The following WDPCP variants were observed in gnomAD, a reference collection of about 807,000 sequenced individuals.
WDPCP encodes the protein WD repeat containing planar cell polarity effector, also known as WD repeat-containing and planar cell polarity effector protein fritz homolog.
A neutral mutation model predicts 93.1 loss-of-function variants in WDPCP; 71 were observed. The observed-to-expected ratio is 0.76, with a 90% CI of 0.63 to 0.93. WDPCP has a LOEUF of 0.93. Ranked by LOEUF, WDPCP falls within the 40% of genes least tolerant of loss-of-function variation. The pLI is 0.00. For missense variants in WDPCP, 844 were observed against 887.4 expected, an observed-to-expected ratio of 0.95 and a Z score of 0.62; for synonymous variants, 315 against 315.0, an observed-to-expected ratio of 1.00 and a Z score of 0.00.
Position 63,822,183 on chromosome 2 carries a change from T to C in WDPCP, n.222+5439A>G, listed in dbSNP as rs544119774. On this transcript the variant is annotated intron_variant and non_coding_transcript_variant, in intron 1 of 4. Coordinates refer to the WDPCP transcript ENST00000467687. Reference sequence around the variant, plus strand: ...TGTAAAATGACTGTTTTGTTTTATGTAACAATTTTAAAATAGAATTTGAGA... The same window carrying C: ...TGTAAAATGACTGTTTTGTTTTATGCAACAATTTTAAAATAGAATTTGAGA... Among the ~76,000 whole-genome samples the C allele has an allele frequency of 1.1e-4, 17 of 152,234 alleles. No homozygotes were observed. In the South Asian group the frequency reaches 1.5e-3, roughly 13 times the overall value.
At chr2:63,274,104 A>G (rs2104880712) in intron 13 of WDPCP, among the ~76,000 whole-genome samples, 1 of 152,292 alleles carries the variant, frequency 6.6e-6, no homozygotes, top group East Asian at 1.9e-4. Context: ...GTGTTAGGCC[A>G]CAAAACAACT....
In WDPCP at chr2:63,706,868, G is replaced by A. The variant is rs573451645; in HGVS notation, n.309-56030C>T. ...CCTGACCTCATGATCCACCCGCCTC[G>A]GCCTCCCAAAGTGCTGGGATTACAG... On this transcript the variant is annotated intron_variant and non_coding_transcript_variant, in intron 2 of 4. Transcript: ENST00000467687. Among the ~76,000 whole-genome samples, 6 of 151,832 alleles carry A rather than the reference G, an allele frequency of 4.0e-5. No individual in the cohort carries two copies. The South Asian group carries it at 6.2e-4, about 16-fold the overall frequency.
At chr2:63,460,144 A>C (rs1698907209) in intron 6 of WDPCP, among the ~76,000 whole-genome samples, 1 of 152,242 alleles carries the variant, frequency 6.6e-6, no homozygotes, top group African/African-American at 2.4e-5. Context: ...ATGGAATATT[A>C]TTCAGCCATA....
At chr2:63,791,491 A>G (rs779591071) in intron 2 of WDPCP, among the ~76,000 whole-genome samples, 3 of 152,102 alleles carry the variant, frequency 2.0e-5, no homozygotes, top group Non-Finnish European at 4.4e-5. Context: ...CATAGCCTCC[A>G]CCTAGCATTC....
At chr2:63,825,752 T>C (rs1306954195) in intron 1 of WDPCP, among the ~76,000 whole-genome samples, 1 of 152,052 alleles carries the variant, frequency 6.6e-6, no homozygotes. Context: ...CACTTGTTCT[T>C]AAAATGTCTG....
chr2:63,235,453 A>G (rs1450529918), intron 14 of WDPCP, among the ~76,000 whole-genome samples: 2 of 152,208 alleles, frequency 1.3e-5, no homozygotes, highest in East Asian at 3.8e-4. Flanking sequence ...TACTGAAACT[A>G]TTCCAGAAAT....
At chr2:63,357,499 G>A (rs1183523395) in intron 12 of WDPCP, among the ~76,000 whole-genome samples, 1 of 152,032 alleles carries the variant, frequency 6.6e-6, no homozygotes, top group Non-Finnish European at 1.5e-5. Flanking sequence ...CAGCCAAGAA[G>A]CATATGAAAA....
intron 2 of WDPCP, among the ~76,000 whole-genome samples, chr2:63,762,771 G>A (rs185265599): frequency 1.1e-3 from 170 of 152,262 alleles, no homozygotes; most frequent in Admixed American, 3.1e-3. Context: ...CCACTCATGA[G>A]GGCAGAACCT....
Position 63,186,812 on chromosome 2 carries a change from T to TG in WDPCP, c.1916-11981_1916-11980insC, listed in dbSNP as rs796319621. ...GTGCACTGTTTTGTGTGTGTGTGTG[T>TG]TTTTTTTTTTTTTTGCTTCCAAATA... On this transcript the variant is annotated intron_variant, in intron 14 of 17. Coordinates refer to ENST00000272321, the MANE Select transcript of WDPCP (RefSeq NM_015910.7). Among the ~76,000 whole-genome samples, 501 of 130,542 alleles carry TG rather than the reference T, an allele frequency of 3.8e-3. 1 individual carries two copies. The highest frequency in any genetic ancestry group is 7.4e-3 in the African/African-American group (265 of 35,792). The allele number at this position is 130,542 out of a possible 152,430, so 85.6% of individuals were successfully genotyped here.
At chr2:63,224,392 T>G (rs1678098647) in intron 14 of WDPCP, among the ~76,000 whole-genome samples, 1 of 151,982 alleles carries the variant, frequency 6.6e-6, no homozygotes, top group Admixed American at 6.6e-5. Context: ...CTCCTTGATA[T>G]TTACCCAAGG....
intron 2 of WDPCP, among the ~76,000 whole-genome samples, chr2:63,743,738 C>A (rs965358284): frequency 6.6e-6 from 1 of 151,890 alleles, no homozygotes; most frequent in Non-Finnish European, 1.5e-5. Context: ...ATACTAAAAG[C>A]TTTTTAAAAA....
intron 1 of WDPCP, among the ~76,000 whole-genome samples, chr2:63,525,156 A>T (rs1703230837): frequency 6.6e-6 from 1 of 152,216 alleles, no homozygotes. Flanking sequence ...CAGAAAACCA[A>T]ATACTACATA....
intron 2 of WDPCP, among the ~76,000 whole-genome samples, chr2:63,693,177 C>T (rs1318491709): frequency 1.3e-5 from 2 of 152,204 alleles, no homozygotes; most frequent in African/African-American, 4.8e-5. Flanking sequence ...GAGAATACAG[C>T]GCTCTCCTAG....
intron 2 of WDPCP, among the ~76,000 whole-genome samples, chr2:63,768,890 C>T (rs961042297): frequency 1.3e-5 from 2 of 151,942 alleles, no homozygotes; most frequent in Non-Finnish European, 2.9e-5. Context: ...ATGATGTCCT[C>T]AGAAACAATG....
At chr2:63,801,182 A>G (rs142530419) in intron 2 of WDPCP, among the ~76,000 whole-genome samples, 1 of 152,224 alleles carries the variant, frequency 6.6e-6, no homozygotes, top group Non-Finnish European at 1.5e-5. Context: ...CTTTGCAGTC[A>G]ATCTGTCAGC....
rs996638086 is a variant in WDPCP at position 63,804,852 on chromosome 2, A to G, written n.308+8770T>C. Among the ~76,000 whole-genome samples, 7 of 151,072 alleles carry G rather than the reference A, an allele frequency of 4.6e-5. No homozygotes were observed. The East Asian group carries it at 1.4e-3, about 30-fold the overall frequency. On this transcript the variant is annotated intron_variant and non_coding_transcript_variant, in intron 2 of 4. Coordinates refer to the WDPCP transcript ENST00000467687. ...AGACCAGCCTGGCCAACATGGTGAA[A>G]CCCCGTCTCTACTAAAAATATAAAA...
intron 2 of WDPCP, among the ~76,000 whole-genome samples, chr2:63,657,262 C>A (rs1342585307): frequency 7.0e-6 from 1 of 142,638 alleles, no homozygotes; most frequent in Non-Finnish European, 1.5e-5. Context: ...TGGAGTGCAG[C>A]GGCCCGATCT....
At chr2:63,178,083 G>A (rs13009169) in intron 14 of WDPCP, among the ~76,000 whole-genome samples, 35,691 of 151,970 alleles carry the variant, frequency 0.23, 4,708 homozygotes, top group Middle Eastern at 0.38. Context: ...CTTGATCATG[G>A]TGTATTATCT....
chr2:63,346,288 T>A (rs1689185619), intron 12 of WDPCP, among the ~76,000 whole-genome samples: 1 of 152,104 alleles, frequency 6.6e-6, no homozygotes, highest in Non-Finnish European at 1.5e-5. Context: ...GAAGCCGAGA[T>A]GAGATGCAGT....
Sources: allele counts gnomAD v4.1 joint callset (sites outside exome capture counted in the v4.1 genomes callset), GRCh38; gene constraint gnomAD v4.1.1; transcripts MANE v1.5; gene names NCBI Gene and HGNC (gene_info 2026-07-23, HGNC 2026-07-21).